Variants in USP54 observed in about 807,000 individuals in gnomAD.
USP54 encodes the protein ubiquitin carboxyl-terminal hydrolase 54.
Under a neutral mutation model 170.5 loss-of-function variants are expected in USP54, and 87 were observed. The ratio of observed to expected loss-of-function variants is 0.51; its 90% CI spans 0.43 to 0.61. The LOEUF is 0.61. Among genes scored for constraint, USP54 ranks in the 20% least tolerant of loss-of-function variants. The pLI is 0.00. For missense variants in USP54, 1,786 were observed against 2,047.8 expected (o/e 0.87, Z 2.47); for synonymous variants, 655 against 742.8 (o/e 0.88, Z 1.92).
intron 1 of USP54, among the ~76,000 whole-genome samples, chr10:73,623,934 A>G (rs973822226): frequency 1.3e-5 from 2 of 151,912 alleles, no homozygotes; most frequent in African/African-American, 4.8e-5. Context: ...TGCCTTACAC[A>G]GTACTTTACA....
At chr10:73,536,944 GA>G in intron 10 of USP54, among the ~76,000 whole-genome samples, 1 of 152,204 alleles carries the variant, frequency 6.6e-6, no homozygotes. Context: ...CAAATGGTAG[GA>G]TATAAAATGT....
intron 11 of USP54, 128 bp from the exon 12 acceptor site, chr10:73,534,898 A>G (rs546232580): frequency 1.2e-5 from 9 of 775,570 alleles, no homozygotes; most frequent in Non-Finnish European, 1.6e-5. Context: ...TGAGAAGGAT[A>G]TGCTATACCA....
intron 10 of USP54, 147 bp downstream of exon 10, chr10:73,539,294 TAAA>T (rs1230364085): frequency 8.1e-5 from 17 of 208,822 alleles, no homozygotes; most frequent in South Asian, 3.7e-4. Flanking sequence ...AAAAAAAAAT[TAAA>T]AAAAAAAAAA....
At position 73,624,186 on chromosome 10, in the gene USP54, A is replaced by T. The variant is rs1432532511; in HGVS notation, c.-18+1381T>A. 6.9e-3 allele frequency among the ~76,000 whole-genome samples: 756 copies of T among 110,338 alleles called. 10 individuals carry two copies. The highest frequency in any genetic ancestry group is 0.027 in the East Asian group (63 of 2,330). The allele number at this position is 110,338 out of a possible 152,430, so 72.4% of individuals were successfully genotyped here. A position where few individuals can be genotyped will look rare whatever the true frequency, so the allele number is the denominator to read the frequency against. On this transcript the variant is annotated intron_variant, in intron 1 of 22. Coordinates refer to the USP54 transcript ENST00000339859. Reference sequence around the variant, plus strand: ...TATATATATATATATATATATATATATATATATATGTATTTTTTTTTTTTT... The same window carrying T: ...TATATATATATATATATATATATATTTATATATATGTATTTTTTTTTTTTT...
rs1459039484 is a variant in USP54, at chr10:73,543,128, T to C, written c.379A>G (p.Asn127Asp). The C allele has an allele frequency of 6.2e-7, 1 of 1,608,770 alleles. No homozygotes were observed. Among genetic ancestry groups the C allele is most frequent in the African/African-American group, 1.3e-5 (1 of 74,792 alleles). Residue 127 changes from asparagine (N) to aspartate (D), a missense_variant, in exon 6 of 24, where the codon AAC becomes GAC. By Grantham distance (23) the Asn-to-Asp change is conservative. Coordinates refer to ENST00000687698, the MANE Select transcript of USP54 (RefSeq NM_001391956.1). Reference sequence around the variant, plus strand: ...TGGAAGTGAATTCTCATCAGGAGGTTTTCCTGACAGGGAAAGAACAAAAGC... The same window carrying C: ...TGGAAGTGAATTCTCATCAGGAGGTCTTCCTGACAGGGAAAGAACAAAAGC... ...IMDDAAECFE[N>D]LLMRIHFHIA... is the part of the protein sequence containing the mutation.
intron 23 of USP54, among the ~76,000 whole-genome samples, chr10:73,500,263 C>T (rs1207918125): frequency 6.6e-6 from 1 of 152,208 alleles, no homozygotes. Context: ...TAGACCATCC[C>T]TCAGCTGAGA....
At chr10:73,537,221 C>A (rs12242427) in intron 10 of USP54, among the ~76,000 whole-genome samples, 4,483 of 152,256 alleles carry the variant, frequency 0.029, 220 homozygotes, top group African/African-American at 0.1. Context: ...ATGCTCTTCA[C>A]ATATTAATAT....
chr10:73,619,167 C>T (rs1589424075), intron 1 of USP54, among the ~76,000 whole-genome samples: 1 of 150,400 alleles, frequency 6.6e-6, no homozygotes, highest in African/African-American at 2.5e-5. Context: ...CCAGCCTGGG[C>T]GATGGAGCAA....
chr10:73,616,034 C>A (rs971303902), intron 1 of USP54, among the ~76,000 whole-genome samples: 11 of 150,108 alleles, frequency 7.3e-5, no homozygotes, highest in Non-Finnish European at 1.5e-5. Context: ...TGGCAAAACT[C>A]GTCTCTACTA....
intron 1 of USP54, among the ~76,000 whole-genome samples, chr10:73,615,340 C>G (rs949940372): frequency 6.6e-6 from 1 of 150,378 alleles, no homozygotes; most frequent in Admixed American, 6.6e-5. Flanking sequence ...GCCTGGGCAA[C>G]AGAGCGAGAC....
chr10:73,555,868 C>T (rs1036319978), intron 4 of USP54, among the ~76,000 whole-genome samples: 11 of 152,068 alleles, frequency 7.2e-5, no homozygotes, highest in Admixed American at 3.3e-4. Flanking sequence ...TCCTTGCAGT[C>T]GTACCCCTTC....
intron 4 of USP54, among the ~76,000 whole-genome samples, chr10:73,563,926 C>T (rs762372750): frequency 1.6e-4 from 24 of 151,394 alleles, no homozygotes; most frequent in South Asian, 4.2e-4. Flanking sequence ...ACTTTTTTTT[C>T]ATGTCTTATT....
At chr10:73,515,365 A>C (rs1485308479) in intron 20 of USP54, among the ~76,000 whole-genome samples, 1 of 152,174 alleles carries the variant, frequency 6.6e-6, no homozygotes. Context: ...TTATACTGAG[A>C]GTTAATGTTG....
chr10:73,613,485 G>T (rs1462281693), intron 1 of USP54, among the ~76,000 whole-genome samples: 40 of 151,060 alleles, frequency 2.6e-4, no homozygotes. Context: ...CCAAAAAAAA[G>T]AATATTTTTA....
intron 11 of USP54, 38 bp from the exon 12 acceptor site, chr10:73,534,808 A>C: frequency 6.3e-7 from 1 of 1,593,104 alleles, no homozygotes; most frequent in Non-Finnish European, 8.6e-7. Context: ...AAAAGTGAGG[A>C]AACAGAACAG....
rs761699537 is a variant in USP54, at chr10:73,526,579, G to GT, written c.2194+67dup. On this transcript the variant is annotated intron_variant, in intron 16 of 23. Transcript: ENST00000687698. ...GTCCTCTAATTTCAAATGTGCTCAG[G>GT]TAAGTCTGGTCCCCAGACAAAACTG... is the stretch of plus-strand genomic sequence containing the variant. 1.1e-5 allele frequency: 17 copies of GT among 1,594,818 alleles called. No individual in the cohort carries two copies. In the East Asian group the frequency reaches 1.3e-4, roughly 13 times the overall value.
chr10:73,530,301 A>C lies in USP54; in HGVS notation c.1670T>G (p.Ile557Arg), dbSNP rs754954524. 3 of 1,613,992 alleles carry C rather than the reference A, an allele frequency of 1.9e-6. No individual in the cohort carries two copies. The highest frequency in any genetic ancestry group is 2.2e-5 in the East Asian group (1 of 44,870). ...TTTTGACTCACTGCTGGTACTCTCT[A>C]TTTCCCAGTCACGAGAGTGTAAAGG... ...TLPLHSRDWE[I>R]ESTSSESKSS... Residue 557 changes from isoleucine to arginine, a missense_variant, in exon 14 of 24, where the codon ATA (isoleucine) becomes AGA (arginine). Around this residue, in one of 3 missense-constraint regions of USP54, gnomAD observed 1,418 missense variants for 1,569.0 expected, o/e 0.90. Transcript: ENST00000687698.
chr10:73,574,350 CTA>C, intron 3 of USP54, among the ~76,000 whole-genome samples: 1 of 152,242 alleles, frequency 6.6e-6, no homozygotes, highest in Non-Finnish European at 1.5e-5. Context: ...TGGACAAAGA[CTA>C]GACTCCATTC....
chr10:73,563,315 T>A (rs1237595851), intron 4 of USP54, among the ~76,000 whole-genome samples: 1 of 152,092 alleles, frequency 6.6e-6, no homozygotes, highest in African/African-American at 2.4e-5. Flanking sequence ...TCAATTTACA[T>A]TTCTTAGATT....
Sources: allele counts gnomAD v4.1 joint callset (sites outside exome capture counted in the v4.1 genomes callset), GRCh38; gene constraint gnomAD v4.1.1; regional missense constraint gnomAD v4.1.1; transcripts MANE v1.5; gene names NCBI Gene and HGNC (gene_info 2026-07-23, HGNC 2026-07-21).